The following PCNT variants were observed in gnomAD, a reference collection of about 807,000 sequenced individuals.
The protein encoded by PCNT is pericentrin.
PCNT carries 319 observed loss-of-function variants against 380.4 expected under a neutral mutation model. The ratio of observed to expected loss-of-function variants is 0.84; its 90% CI spans 0.77 to 0.92. The LOEUF is 0.92. PCNT is among the 40% of genes least tolerant of loss of function. The pLI is 0.00. For synonymous variants in PCNT, 1,845 were observed against 1,735.2 expected (o/e 1.06, Z -1.57); for missense variants, 4,400 against 4,255.3 (o/e 1.03, Z -0.95).
In PCNT at chr21:46,398,256, G is replaced by T. The variant is rs766926256; in HGVS notation, c.4584+1G>T. 1 of 1,604,936 alleles carries T rather than the reference G, an allele frequency of 6.2e-7. No homozygotes were observed. The highest frequency in any genetic ancestry group is 1.1e-5 in the South Asian group (1 of 89,776). On this transcript the variant is annotated splice_donor_variant, in intron 24 of 46. Coordinates refer to ENST00000359568, the MANE Select transcript of PCNT (RefSeq NM_006031.6). LOFTEE classifies it high-confidence loss of function. ...GCAGCAGGCGCCGCTGGATGGAGAG[G>T]TGAGGAGGCGTCAACGAGATGGGCA...
intron 3 of PCNT, among the ~76,000 whole-genome samples, chr21:46,334,985 C>T (rs888714409): frequency 6.6e-6 from 1 of 152,190 alleles, no homozygotes; most frequent in African/African-American, 2.4e-5. Flanking sequence ...GGAAGCCTCT[C>T]TTCATACCCT....
rs2086961141 is a variant in PCNT, at chr21:46,414,890, T to C, written c.6151-1179T>C. 1.3e-5 allele frequency among the ~76,000 whole-genome samples: 2 copies of C among 152,058 alleles called. 1 individual carries two copies. The highest frequency in any genetic ancestry group is 2.9e-5 in the Non-Finnish European group (2 of 68,004). On this transcript the variant is annotated intron_variant, in intron 29 of 46. Coordinates refer to ENST00000359568, the MANE Select transcript of PCNT (RefSeq NM_006031.6). ...CTGCTGGACACACAGCCACCCACCC[T>C]GCTCTTCCTCCTCCCCCTCCTCCCT...
intron 21 of PCNT, among the ~76,000 whole-genome samples, chr21:46,392,962 A>G (rs1289097161): frequency 1.3e-5 from 2 of 152,078 alleles, no homozygotes; most frequent in East Asian, 3.9e-4. Flanking sequence ...ACTGTTTTTT[A>G]AAAGCCTGTC....
At chr21:46,339,407 A>G (rs1223458694) in intron 3 of PCNT, among the ~76,000 whole-genome samples, 1 of 152,208 alleles carries the variant, frequency 6.6e-6, no homozygotes, top group Non-Finnish European at 1.5e-5. Flanking sequence ...AACTAAAAGG[A>G]TAGATAGACA....
rs1569268725 is a variant in PCNT, at chr21:46,411,516, C to CAGGCCCTGG, written c.5452_5460dup (p.Glu1818_Leu1820dup). 6.2e-7 allele frequency: 1 copy of CAGGCCCTGG among 1,609,832 alleles called. No homozygotes were observed. The highest frequency in any genetic ancestry group is 8.5e-7 in the Non-Finnish European group (1 of 1,178,536). On this transcript the variant is annotated inframe_insertion, in exon 28 of 47. Transcript: ENST00000359568. ...GGCTGACCAGGAGCGCAGGCACAGC[C>CAGGCCCTGG]AGGCCCTGGAGGCCCTGCAGCAGCG... is the stretch of plus-strand genomic sequence containing the variant.
intron 37 of PCNT, chr21:46,431,081 G>C: frequency 2.0e-6 from 2 of 985,462 alleles, no homozygotes; most frequent in East Asian, 1.1e-4. Context: ...ATGGGTTATG[G>C]CTTTCAACAG....
At chr21:46,423,122 T>TA (rs749433189) in intron 32 of PCNT, among the ~76,000 whole-genome samples, 78 of 151,480 alleles carry the variant, frequency 5.1e-4, no homozygotes, top group Non-Finnish European at 1.0e-3. Context: ...TTCATTAAAA[T>TA]AAAAAAACTT....
intron 32 of PCNT, among the ~76,000 whole-genome samples, chr21:46,423,523 A>G (rs747852344): frequency 2.6e-5 from 4 of 151,604 alleles, no homozygotes; most frequent in African/African-American, 4.9e-5. Flanking sequence ...CGTCAAGGAG[A>G]TGTTTCTGTT....
rs751116635 is a variant in PCNT at position 46,363,636 on chromosome 21, C to G, written c.2311C>G (p.Leu771Val). ...REAEEKLTLM[L>V]LELREKAESE... is the part of the protein sequence containing the mutation. ...AGCTGAGGAGAAGTTAACATTGATG[C>G]TACTTGAACTGAGAGAAAAGGCTGA... Residue 771 changes from leucine to valine, a missense_variant, in exon 14 of 47, where the codon CTA becomes GTA. Leu to Val is a conservative substitution (Grantham distance 32). Coordinates refer to ENST00000359568, the MANE Select transcript of PCNT (RefSeq NM_006031.6). 1 of 1,614,212 alleles carries G rather than the reference C, an allele frequency of 6.2e-7. No homozygotes were observed. The highest frequency in any genetic ancestry group is 2.2e-5 in the East Asian group (1 of 44,888).
At chr21:46,351,374 G>A in intron 8 of PCNT, 55 bp from the exon 9 acceptor site, 1 of 914,154 alleles carries the variant, frequency 1.1e-6, no homozygotes, top group Non-Finnish European at 1.8e-6. Flanking sequence ...CGTCACTGCT[G>A]GGGTGGGGGC....
rs561496640 is a variant in PCNT at position 46,324,379 on chromosome 21, C to G, written c.54+97C>G. The G allele has an allele frequency of 5.7e-6, 6 of 1,045,260 alleles. No individual in the cohort carries two copies. The African/African-American group carries it at 7.9e-5, about 14-fold the overall frequency. The allele number at this position is 1,045,260 out of a possible 1,614,324, so 64.7% of individuals were successfully genotyped here. A position where few individuals can be genotyped will look rare whatever the true frequency, so the allele number is the denominator to read the frequency against. ...GCCCCCTGCCAGGAGAGGACGCGGTCCGGCGGAAGCCGCCGCGGAGGTCTC... is the reference window on the plus strand; with the variant it reads ...GCCCCCTGCCAGGAGAGGACGCGGTGCGGCGGAAGCCGCCGCGGAGGTCTC... On this transcript the variant is annotated intron_variant, in intron 1 of 46. Coordinates refer to ENST00000359568, the MANE Select transcript of PCNT (RefSeq NM_006031.6).
intron 32 of PCNT, among the ~76,000 whole-genome samples, chr21:46,424,950 T>A (rs1293885669): frequency 6.6e-6 from 1 of 152,234 alleles, no homozygotes; most frequent in Non-Finnish European, 1.5e-5. Flanking sequence ...TGGCATATCG[T>A]TAAAATTACA....
At chr21:46,338,476 A>G (rs190024114) in intron 3 of PCNT, among the ~76,000 whole-genome samples, 4 of 152,348 alleles carry the variant, frequency 2.6e-5, no homozygotes, top group Non-Finnish European at 4.4e-5. Context: ...TAGATTGATC[A>G]GTAGCTCATT....
rs1266857948 is a variant in PCNT at position 46,381,815 on chromosome 21, A to T, written c.3287A>T (p.Gln1096Leu). The T allele has an allele frequency of 3.7e-6, 6 of 1,614,114 alleles. No individual in the cohort carries two copies. In the Admixed American group the frequency reaches 1.0e-4, roughly 27 times the overall value. The change falls in exon 16 of 47, where the codon CAA becomes CTA. Residue 1096 changes from glutamine to leucine, a missense_variant. Transcript: ENST00000359568. ...AAAGAGTCTTTGTCTCTGCAGCTTC[A>T]AAAGAAGAATCACCAAGTCCAGCAG... ...EEKESLSLQL[Q>L]KKNHQVQQLK...
chr21:46,326,679 T>C, intron 2 of PCNT, 90 bp downstream of exon 2: 1 of 1,420,078 alleles, frequency 7.0e-7, no homozygotes, highest in Non-Finnish European at 9.9e-7. Flanking sequence ...TGGTCTGTTT[T>C]TGCCTTTCAA....
chr21:46,346,625 T>C, intron 4 of PCNT, 118 bp from the exon 5 acceptor site: 1 of 1,274,484 alleles, frequency 7.8e-7, no homozygotes, highest in Non-Finnish European at 1.1e-6. Flanking sequence ...TTCCACGGGA[T>C]GTCTGCTGTT....
At chr21:46,383,711 GTGT>G (rs2085690136) in intron 16 of PCNT, among the ~76,000 whole-genome samples, 1 of 143,094 alleles carries the variant, frequency 7.0e-6, no homozygotes, top group Non-Finnish European at 1.5e-5. Flanking sequence ...CGCATTCACA[GTGT>G]TGTATATTCA....
Position 46,325,531 on chromosome 21 carries a change from T to C in PCNT, c.55-846T>C, listed in dbSNP as rs1208010278. Among the ~76,000 whole-genome samples the C allele has an allele frequency of 6.6e-5, 10 of 152,336 alleles. No individual in the cohort carries two copies. In the East Asian group the frequency reaches 1.9e-3, roughly 29 times the overall value. On this transcript the variant is annotated intron_variant, in intron 1 of 46. Coordinates refer to ENST00000359568, the MANE Select transcript of PCNT (RefSeq NM_006031.6). ...TGAGGTTGACTTTGAAGGAAATATT[T>C]CCTTGAGAGACCATTTTCTTGTGTA...
intron 3 of PCNT, among the ~76,000 whole-genome samples, chr21:46,341,373 T>C (rs1260147142): frequency 6.6e-6 from 1 of 152,122 alleles, no homozygotes; most frequent in Non-Finnish European, 1.5e-5. Flanking sequence ...TGTGTTACTT[T>C]TGTGAGAAGT....
Sources: allele counts gnomAD v4.1 joint callset (sites outside exome capture counted in the v4.1 genomes callset), GRCh38; gene constraint gnomAD v4.1.1; transcripts MANE v1.5; gene names NCBI Gene and HGNC (gene_info 2026-07-23, HGNC 2026-07-21).